Variants in NBAS observed in about 807,000 individuals in gnomAD.
NBAS encodes NBAS subunit of NRZ tethering complex.
NBAS carries 219 observed loss-of-function variants against 302.5 expected under a neutral mutation model. That is an observed-to-expected ratio of 0.72 (90% confidence interval 0.65 to 0.81). The LOEUF (loss-of-function observed/expected upper bound fraction) is 0.81. Among genes scored for constraint, NBAS ranks in the 30% least tolerant of loss-of-function variants. NBAS has a pLI of 0.00. For missense variants in NBAS, 2,932 were observed against 2,841.6 expected (o/e 1.03, Z -0.72); for synonymous variants, 1,118 against 1,021.6 (o/e 1.09, Z -1.80).
the NBAS span, among the ~76,000 whole-genome samples, chr2:14,801,518 C>T: frequency 6.6e-6 from 1 of 151,976 alleles, no homozygotes; most frequent in Non-Finnish European, 1.5e-5. Flanking sequence ...TTCTATCTTC[C>T]ATTTTTCAAT....
At chr2:14,793,553 T>A in the NBAS span, among the ~76,000 whole-genome samples, 2 of 150,608 alleles carry the variant, frequency 1.3e-5, no homozygotes, top group African/African-American at 4.9e-5. Context: ...ATAAGAAGAG[T>A]CTCAGGTATA....
the NBAS span, among the ~76,000 whole-genome samples, chr2:14,905,505 C>G: frequency 6.6e-6 from 1 of 152,154 alleles, no homozygotes; most frequent in African/African-American, 2.4e-5. Context: ...CCAACTCTCT[C>G]TGGTGCCCCT....
chr2:15,442,536 C>G (rs912767997), intron 21 of NBAS, among the ~76,000 whole-genome samples: 5 of 151,882 alleles, frequency 3.3e-5, no homozygotes, highest in Non-Finnish European at 7.3e-5. Context: ...ACTAAATGCC[C>G]ACAAGAGAAA....
chr2:15,370,907 A>C (rs1674451444), intron 31 of NBAS, among the ~76,000 whole-genome samples: 1 of 152,136 alleles, frequency 6.6e-6, no homozygotes, highest in Admixed American at 6.6e-5. Context: ...ATGAGTTAAG[A>C]CTTTGGGGGA....
At chr2:15,239,571 G>A (rs1335761602) in intron 44 of NBAS, among the ~76,000 whole-genome samples, 1 of 151,786 alleles carries the variant, frequency 6.6e-6, no homozygotes, top group African/African-American at 2.4e-5. Flanking sequence ...TGAGCATCAT[G>A]TTGGCACTAA....
chr2:15,437,233 CAGCT>C (rs1243909315), intron 21 of NBAS, among the ~76,000 whole-genome samples: 1 of 152,070 alleles, frequency 6.6e-6, no homozygotes, highest in East Asian at 1.9e-4. Context: ...CCTGGAGTTC[CAGCT>C]ACTGGGGAGG....
chr2:14,840,981 A>C, the NBAS span, among the ~76,000 whole-genome samples: 3 of 152,020 alleles, frequency 2.0e-5, no homozygotes, highest in Non-Finnish European at 4.4e-5. Flanking sequence ...GCAACATGTT[A>C]AGTGATAGGC....
At chr2:14,954,520 T>C in the NBAS span, among the ~76,000 whole-genome samples, 3 of 152,286 alleles carry the variant, frequency 2.0e-5, no homozygotes, top group Non-Finnish European at 2.9e-5. Flanking sequence ...ATAAGTGTTA[T>C]GGGTTGTATT....
At chr2:15,375,637 G>A (rs1674698761) in intron 30 of NBAS, among the ~76,000 whole-genome samples, 1 of 152,126 alleles carries the variant, frequency 6.6e-6, no homozygotes. Flanking sequence ...AATTGTAAAT[G>A]TACTTTTTTA....
intron 6 of NBAS, among the ~76,000 whole-genome samples, chr2:15,540,585 T>G (rs1198930507): frequency 6.6e-6 from 1 of 152,092 alleles, no homozygotes. Context: ...TCAATATATA[T>G]GAAAGGCCCT....
At chr2:15,560,713 T>C (rs150513022) in intron 1 of NBAS, among the ~76,000 whole-genome samples, 273 of 152,212 alleles carry the variant, frequency 1.8e-3, no homozygotes, top group Non-Finnish European at 3.1e-3. Flanking sequence ...GCCTGGCAGA[T>C]GCTGCAGACT....
chr2:15,108,710 T>G, the NBAS span, among the ~76,000 whole-genome samples: 1 of 152,256 alleles, frequency 6.6e-6, no homozygotes, highest in South Asian at 2.1e-4. Flanking sequence ...TTCATAGTTT[T>G]GAAATCCATA....
intron 38 of NBAS, among the ~76,000 whole-genome samples, chr2:15,313,121 T>A (rs1300721749): frequency 1.3e-5 from 2 of 152,222 alleles, no homozygotes; most frequent in Non-Finnish European, 2.9e-5. Context: ...CTATGGAGCG[T>A]TTAAAGTCTC....
the NBAS span, among the ~76,000 whole-genome samples, chr2:14,839,993 T>G: frequency 6.6e-6 from 1 of 151,936 alleles, no homozygotes; most frequent in Non-Finnish European, 1.5e-5. Context: ...GCCAAGAATT[T>G]AAAATGGCAG....
intron 47 of NBAS, among the ~76,000 whole-genome samples, chr2:15,226,109 T>C (rs142195139): frequency 3.5e-4 from 54 of 152,290 alleles, no homozygotes; most frequent in Admixed American, 9.8e-4. Context: ...TGCTGGCTCT[T>C]AGTGTCAAAA....
intron 51 of NBAS, among the ~76,000 whole-genome samples, chr2:15,170,722 CTG>C (rs1181462353): frequency 6.6e-6 from 1 of 152,146 alleles, no homozygotes; most frequent in Non-Finnish European, 1.5e-5. Flanking sequence ...GATAATTTTT[CTG>C]TGTGTATTTG....
At chr2:15,279,972 C>G (rs1010961351) in intron 42 of NBAS, among the ~76,000 whole-genome samples, 1 of 152,162 alleles carries the variant, frequency 6.6e-6, no homozygotes, top group Non-Finnish European at 1.5e-5. Flanking sequence ...GGACTTTTCA[C>G]TAATCAAATT....
At chr2:15,551,393 T>C in intron 6 of NBAS, 100 bp downstream of exon 6, 1 of 750,152 alleles carries the variant, frequency 1.3e-6, no homozygotes, top group South Asian at 2.1e-5. Flanking sequence ...ATGATAATCC[T>C]TGTTAATAAA....
the NBAS span, among the ~76,000 whole-genome samples, chr2:14,957,202 G>T: frequency 2.0e-5 from 3 of 151,962 alleles, no homozygotes; most frequent in African/African-American, 7.3e-5. Context: ...CCGACCAAAA[G>T]AAAAGAGAGC....
Sources: allele counts gnomAD v4.1 joint callset (sites outside exome capture counted in the v4.1 genomes callset), GRCh38; gene constraint gnomAD v4.1.1; transcripts MANE v1.5; gene names NCBI Gene and HGNC (gene_info 2026-07-23, HGNC 2026-07-21).